TBCK: variants seen among roughly 807,000 people sequenced by gnomAD.
TBCK encodes TBC domain-containing protein kinase-like protein.
TBCK carries 99 observed loss-of-function variants against 113.4 expected under a neutral mutation model. That is an observed-to-expected ratio of 0.87 (90% confidence interval 0.74 to 1.03). The LOEUF (loss-of-function observed/expected upper bound fraction) is 1.03. TBCK is among the 50% of genes least tolerant of loss of function. TBCK has a pLI of 0.00. For missense variants in TBCK, 1,045 were observed against 1,061.3 expected (o/e 0.98, Z 0.21); for synonymous variants, 369 against 370.8 (o/e 1.00, Z 0.05).
chr4:106,257,506 T>C lies in TBCK; in HGVS notation c.455+2931A>G, dbSNP rs538374539. On this transcript the variant is annotated intron_variant, in intron 5 of 25. Coordinates refer to ENST00000394708, the MANE Select transcript of TBCK (RefSeq NM_001163435.3). ...TACAAGTCAATTAAGTCAGGGAATG[T>C]GACTTAAATTCAAATGGGTAAATTT... 3.0e-4 allele frequency among the ~76,000 whole-genome samples: 46 copies of C among 152,288 alleles called. No homozygotes were observed. The East Asian group carries it at 6.4e-3, about 21-fold the overall frequency.
At chr4:106,243,805 C>T (rs1049534823) in intron 11 of TBCK, among the ~76,000 whole-genome samples, 1 of 152,110 alleles carries the variant, frequency 6.6e-6, no homozygotes, top group Non-Finnish European at 1.5e-5. Flanking sequence ...CTCCCACCTG[C>T]AGCTGCCTGA....
chr4:106,310,508 T>A (rs1336247319), intron 1 of TBCK: 1 of 152,002 alleles, frequency 6.6e-6, no homozygotes, highest in Non-Finnish European at 1.5e-5. Context: ...TTATTTACAC[T>A]CCATGAAAAA....
chr4:106,312,332 A>C (rs1364825820), intron 1 of TBCK, among the ~76,000 whole-genome samples: 1 of 152,204 alleles, frequency 6.6e-6, no homozygotes, highest in African/African-American at 2.4e-5. Flanking sequence ...ATTTTCACAC[A>C]AGGCATGAAA....
intron 22 of TBCK, among the ~76,000 whole-genome samples, chr4:106,176,918 A>G (rs1389094535): frequency 6.7e-6 from 1 of 149,840 alleles, no homozygotes; most frequent in African/African-American, 2.4e-5. Flanking sequence ...ATAATTAGTG[A>G]TATTGAGTAC....
At chr4:106,171,869 C>A (rs1455888852) in intron 22 of TBCK, among the ~76,000 whole-genome samples, 3 of 151,982 alleles carry the variant, frequency 2.0e-5, no homozygotes, top group African/African-American at 7.2e-5. Context: ...CTTGTTCTGT[C>A]TCCTAGGCTG....
intron 25 of TBCK, among the ~76,000 whole-genome samples, chr4:106,069,145 T>C (rs1224545396): frequency 6.6e-6 from 1 of 152,234 alleles, no homozygotes; most frequent in Non-Finnish European, 1.5e-5. Flanking sequence ...GCTCTTTAGT[T>C]TAATTAGATC....
chr4:106,116,112 A>ATT, intron 24 of TBCK, 91 bp downstream of exon 24: 84 of 1,020,616 alleles, frequency 8.2e-5, no homozygotes, highest in South Asian at 1.2e-4. Flanking sequence ...GAATCCCAGA[A>ATT]TTTTTTTTTT....
chr4:106,189,207 C>T (rs1753376570), intron 22 of TBCK, among the ~76,000 whole-genome samples: 1 of 151,918 alleles, frequency 6.6e-6, no homozygotes, highest in South Asian at 2.1e-4. Flanking sequence ...AGAAGGACCA[C>T]TGCTAAAACC....
chr4:106,251,932 T>C lies in TBCK; in HGVS notation c.531A>G (p.Lys177=). The C allele has an allele frequency of 1.2e-6, 2 of 1,611,490 alleles. No homozygotes were observed. The highest frequency in any genetic ancestry group is 1.7e-6 in the Non-Finnish European group (2 of 1,178,336). Residue 177 remains lysine (K), a synonymous_variant, in exon 6 of 26, where the codon AAA becomes AAG. Transcript: ENST00000394708. ...CTGATTTGGGGCCAGAAGGCAATGG[T>C]TTTTTACTTGGCATGTGATCAGTGG... ...FKTTDHMPSK[K]PLPSGPKSDV...
chr4:106,229,481 G>A (rs1006904831), intron 19 of TBCK, among the ~76,000 whole-genome samples: 3 of 151,960 alleles, frequency 2.0e-5, no homozygotes, highest in African/African-American at 7.2e-5. Flanking sequence ...AATTTCCTCA[G>A]AACTATTTGT....
intron 19 of TBCK, among the ~76,000 whole-genome samples, chr4:106,215,299 T>G (rs1040360249): frequency 6.7e-6 from 1 of 148,722 alleles, no homozygotes; most frequent in African/African-American, 2.5e-5. Context: ...ACGAAGAAAC[T>G]GCATCAACTA....
intron 24 of TBCK, among the ~76,000 whole-genome samples, chr4:106,098,416 A>G (rs554215725): frequency 3.3e-5 from 5 of 152,192 alleles, no homozygotes; most frequent in Admixed American, 6.5e-5. Context: ...ATTAGCCCCA[A>G]TCACATATAT....
intron 25 of TBCK, among the ~76,000 whole-genome samples, chr4:106,079,938 A>G (rs189621494): frequency 6.6e-6 from 1 of 152,236 alleles, no homozygotes; most frequent in Admixed American, 6.5e-5. Flanking sequence ...AAACAACCAG[A>G]TCTTCTAAGA....
intron 5 of TBCK, among the ~76,000 whole-genome samples, chr4:106,255,322 C>CA (rs1761865852): frequency 6.6e-6 from 1 of 152,246 alleles, no homozygotes. Context: ...CTTGGACTGG[C>CA]AGGCTGTGCT....
intron 23 of TBCK, among the ~76,000 whole-genome samples, chr4:106,127,206 CAAAAAA>C (rs35461999): frequency 1.5e-5 from 1 of 65,504 alleles, no homozygotes; most frequent in African/African-American, 5.8e-5. Context: ...GACTCCGTCT[CAAAAAA>C]AAAAAAAAAA....
At chr4:106,103,814 C>A (rs1741829604) in intron 24 of TBCK, among the ~76,000 whole-genome samples, 1 of 152,176 alleles carries the variant, frequency 6.6e-6, no homozygotes, top group African/African-American at 2.4e-5. Flanking sequence ...CAGGTATTTG[C>A]AGTGGGACTA....
chr4:106,259,887 G>C (rs1762342664), intron 5 of TBCK, among the ~76,000 whole-genome samples: 1 of 151,826 alleles, frequency 6.6e-6, no homozygotes, highest in Non-Finnish European at 1.5e-5. Flanking sequence ...CTTTTGTGGA[G>C]GGCAACATAC....
intron 23 of TBCK, among the ~76,000 whole-genome samples, chr4:106,145,430 A>G (rs1263360544): frequency 6.6e-6 from 1 of 152,236 alleles, no homozygotes; most frequent in African/African-American, 2.4e-5. Context: ...AACTGTGTTT[A>G]TACTCATGCT....
At chr4:106,259,860 G>GA (rs1762339236) in intron 5 of TBCK, among the ~76,000 whole-genome samples, 1 of 151,886 alleles carries the variant, frequency 6.6e-6, no homozygotes, top group Admixed American at 6.6e-5. Flanking sequence ...GAATATGCAT[G>GA]AAACAACCTT....
Sources: gnomAD v4.1 joint callset for allele counts (sites outside exome capture counted in the v4.1 genomes callset) on GRCh38, gnomAD v4.1.1 for gene constraint, MANE v1.5 for transcripts, NCBI Gene and HGNC (gene_info 2026-07-23, HGNC 2026-07-21) for gene names.